ARHGAP24: variants seen among roughly 807,000 people sequenced by gnomAD.
ARHGAP24 encodes Rho GTPase activating protein 24, also known as rho GTPase-activating protein 24.
Under a neutral mutation model 76.4 loss-of-function variants are expected in ARHGAP24, and 50 were observed. The observed-to-expected ratio is 0.65, with a 90% confidence interval of 0.52 to 0.83. The LOEUF is 0.83. ARHGAP24 is among the 40% of genes least tolerant of loss of function. The pLI, the probability that ARHGAP24 is intolerant of heterozygous loss-of-function variation, is 0.00. For synonymous variants in ARHGAP24, 345 were observed against 323.3 expected (o/e 1.07, Z -0.72); for missense variants, 930 against 914.2 (o/e 1.02, Z -0.22).
intron 1 of ARHGAP24, among the ~76,000 whole-genome samples, chr4:85,475,871 T>TA (rs1374302681): frequency 6.6e-6 from 1 of 151,908 alleles, no homozygotes; most frequent in African/African-American, 2.4e-5. Flanking sequence ...ATGGAATTAA[T>TA]AAAAACCCTT....
chr4:85,949,959 G>A (rs773447684), intron 5 of ARHGAP24, among the ~76,000 whole-genome samples: 3 of 152,104 alleles, frequency 2.0e-5, no homozygotes, highest in Admixed American at 6.5e-5. Flanking sequence ...ACAATAAACA[G>A]CAAATATATA....
intron 3 of ARHGAP24, among the ~76,000 whole-genome samples, chr4:85,742,945 A>G (rs1578189602): frequency 6.6e-6 from 1 of 152,196 alleles, no homozygotes; most frequent in East Asian, 1.9e-4. Flanking sequence ...CACCTAAATT[A>G]TGTAAAATGT....
intron 2 of ARHGAP24, among the ~76,000 whole-genome samples, chr4:85,685,573 C>T (rs1484264422): frequency 1.3e-5 from 2 of 150,580 alleles, no homozygotes; most frequent in East Asian, 3.9e-4. Context: ...GTGGAGTTTG[C>T]AGTTAGCCGA....
intron 3 of ARHGAP24, among the ~76,000 whole-genome samples, chr4:85,905,704 A>C (rs1300270941): frequency 6.6e-6 from 1 of 152,128 alleles, no homozygotes; most frequent in African/African-American, 2.4e-5. Flanking sequence ...CTTACTCCTA[A>C]ATGCATGTGA....
intron 2 of ARHGAP24, among the ~76,000 whole-genome samples, chr4:85,574,277 G>T (rs1727271809): frequency 6.6e-6 from 1 of 152,152 alleles, no homozygotes; most frequent in Admixed American, 6.5e-5. Flanking sequence ...CTGCTCATCT[G>T]TTGAGGGAAA....
At position 85,901,946 on chromosome 4, in the gene ARHGAP24, G is replaced by A. The variant is rs7686933; in HGVS notation, c.269-21702G>A. On this transcript the variant is annotated intron_variant, in intron 3 of 9. Coordinates refer to ENST00000395184, the MANE Select transcript of ARHGAP24 (RefSeq NM_001025616.3). ...AAGGTTTTAAGCCCCGCATGCATTA[G>A]GTATTTGTTCTAATGCTCTCCCTCC... 8.0e-3 allele frequency among the ~76,000 whole-genome samples: 1,216 copies of A among 152,046 alleles called. 15 individuals are homozygous for A. Among genetic ancestry groups the A allele is most frequent in the African/African-American group, 0.026 (1,058 of 41,458 alleles).
chr4:85,767,197 A>C (rs1020232735), intron 3 of ARHGAP24, among the ~76,000 whole-genome samples: 2 of 152,146 alleles, frequency 1.3e-5, no homozygotes, highest in Non-Finnish European at 2.9e-5. Context: ...GCAATGTATG[A>C]CCATAGTTGC....
chr4:85,556,493 TC>T (rs1249433910), intron 1 of ARHGAP24, among the ~76,000 whole-genome samples: 13 of 152,130 alleles, frequency 8.5e-5, no homozygotes, highest in African/African-American at 2.7e-4. Context: ...GGCCCTTTGT[TC>T]CTTCCCCAGC....
chr4:85,719,996 A>G (rs7692808), intron 2 of ARHGAP24, among the ~76,000 whole-genome samples: 76,796 of 151,762 alleles, frequency 0.51, 22,961 homozygotes, highest in Non-Finnish European at 0.69. Context: ...AGAAAGCAAA[A>G]AAGTGTAAGA....
At chr4:85,636,082 T>G (rs1560563383) in intron 2 of ARHGAP24, among the ~76,000 whole-genome samples, 1 of 151,854 alleles carries the variant, frequency 6.6e-6, no homozygotes, top group Non-Finnish European at 1.5e-5. Flanking sequence ...TTAAGTAGAT[T>G]CTGTAGGTTT....
At position 86,001,753 on chromosome 4, in the gene ARHGAP24, G is replaced by T. The variant is rs762766732; in HGVS notation, c.*1031G>T. 1 of 245,644 alleles carries T rather than the reference G, an allele frequency of 4.1e-6. No homozygotes were observed. Among genetic ancestry groups the T allele is most frequent in the African/African-American group, 2.2e-5 (1 of 44,920 alleles). The allele number at this position is 245,644 out of a possible 1,614,324, so 15.2% of individuals were successfully genotyped here. A position where few individuals can be genotyped will look rare whatever the true frequency, so the allele number is the denominator to read the frequency against. On this transcript the variant is annotated 3_prime_UTR_variant, in exon 10 of 10. Transcript: ENST00000395184. ...GTGAAACTGCTAGAGTATATGTCACGTAGTGACATTTTTTTCTCACTCAGG... is the reference window on the plus strand; with the variant it reads ...GTGAAACTGCTAGAGTATATGTCACTTAGTGACATTTTTTTCTCACTCAGG...
intron 2 of ARHGAP24, among the ~76,000 whole-genome samples, chr4:85,663,750 G>A (rs1388298258): frequency 1.3e-5 from 2 of 151,790 alleles, no homozygotes; most frequent in Non-Finnish European, 2.9e-5. Context: ...TTTTGTCAAA[G>A]GCTTTTTCTG....
chr4:85,937,677 AAGG>A (rs1411062747), intron 4 of ARHGAP24, among the ~76,000 whole-genome samples: 1 of 152,162 alleles, frequency 6.6e-6, no homozygotes, highest in Admixed American at 6.5e-5. Context: ...CAGGAAGAAG[AAGG>A]AGACTGACAG....
At chr4:85,993,235 G>C (rs1028846354) in intron 8 of ARHGAP24, among the ~76,000 whole-genome samples, 8 of 152,164 alleles carry the variant, frequency 5.3e-5, no homozygotes, top group African/African-American at 1.9e-4. Context: ...GGTGATGCCA[G>C]TGCTACTATT....
intron 3 of ARHGAP24, among the ~76,000 whole-genome samples, chr4:85,912,811 T>C (rs1735160021): frequency 6.6e-6 from 1 of 152,204 alleles, no homozygotes; most frequent in Non-Finnish European, 1.5e-5. Flanking sequence ...TCCTTCCTTA[T>C]TTTGCCCCCA....
chr4:85,865,525 T>G (rs1732148041), intron 3 of ARHGAP24, among the ~76,000 whole-genome samples: 1 of 147,560 alleles, frequency 6.8e-6, no homozygotes, highest in Middle Eastern at 3.6e-3. Flanking sequence ...AATAATTTTA[T>G]TATTTATAAA....
intron 3 of ARHGAP24, among the ~76,000 whole-genome samples, chr4:85,872,404 C>A (rs764413768): frequency 5.3e-5 from 8 of 151,914 alleles, no homozygotes; most frequent in Non-Finnish European, 1.0e-4. Flanking sequence ...TCAAGCAATT[C>A]TCCTGCCTCA....
At chr4:85,571,697 T>G (rs1727145857) in intron 2 of ARHGAP24, among the ~76,000 whole-genome samples, 1 of 152,170 alleles carries the variant, frequency 6.6e-6, no homozygotes, top group Admixed American at 6.5e-5. Context: ...CTACAAACCT[T>G]GGTCTTTTTT....
intron 2 of ARHGAP24, among the ~76,000 whole-genome samples, chr4:85,617,797 ACATT>A (rs1720588974): frequency 6.6e-6 from 1 of 152,186 alleles, no homozygotes; most frequent in Non-Finnish European, 1.5e-5. Context: ...TTATCAATTT[ACATT>A]GCCACTGGCA....
Sources: allele counts gnomAD v4.1 joint callset (sites outside exome capture counted in the v4.1 genomes callset), GRCh38; gene constraint gnomAD v4.1.1; transcripts MANE v1.5; gene names NCBI Gene and HGNC (gene_info 2026-07-23, HGNC 2026-07-21).